The following SRGAP3 variants were observed in gnomAD, a reference collection of about 807,000 sequenced individuals.
SRGAP3 encodes SLIT-ROBO Rho GTPase activating protein 3, also known as SLIT-ROBO Rho GTPase-activating protein 3.
In SRGAP3, 39 loss-of-function variants were observed where a neutral mutation model predicts 121.1. The observed-to-expected ratio is 0.32, with a 90% CI of 0.25 to 0.42. The LOEUF is 0.42. Ranked by LOEUF, SRGAP3 falls within the 10% of genes least tolerant of loss-of-function variation. The probability of loss-of-function intolerance (pLI) is 1.00; values close to 1 mark genes in which losing one functional copy is unlikely to be tolerated. For missense variants in SRGAP3, 1,213 were observed against 1,470.6 expected (o/e 0.82, Z 2.86); for synonymous variants, 601 against 570.0 (o/e 1.05, Z -0.77).
intron 1 of SRGAP3, among the ~76,000 whole-genome samples, chr3:9,362,286 C>T (rs1012559914): frequency 7.2e-5 from 10 of 138,164 alleles, no homozygotes; most frequent in African/African-American, 2.7e-4. Flanking sequence ...GCTTCATCTT[C>T]CCAAGTAGCT....
intron 1 of SRGAP3, among the ~76,000 whole-genome samples, chr3:9,213,612 C>T (rs1303879252): frequency 6.6e-6 from 1 of 152,242 alleles, no homozygotes; most frequent in Non-Finnish European, 1.5e-5. Context: ...CTGTTCTCCA[C>T]ACTCTAGGAG....
At chr3:9,015,998 A>T (rs909411388) in intron 14 of SRGAP3, 1 of 500,568 alleles carries the variant, frequency 2.0e-6, no homozygotes, top group Non-Finnish European at 3.6e-6. Context: ...GCCACATTTG[A>T]TTTCTCGCTC....
At chr3:9,291,544 C>G (rs1240692481) in intron 3 of SRGAP3, among the ~76,000 whole-genome samples, 2 of 151,776 alleles carry the variant, frequency 1.3e-5, no homozygotes, top group African/African-American at 2.4e-5. Flanking sequence ...GGTCTATTCT[C>G]CCAAAAAACA....
intron 3 of SRGAP3, among the ~76,000 whole-genome samples, chr3:9,277,747 C>T (rs1254480908): frequency 6.6e-6 from 1 of 152,046 alleles, no homozygotes; most frequent in East Asian, 1.9e-4. Flanking sequence ...CGCCACTACA[C>T]TGCAGCCTGG....
chr3:9,185,834 A>C (rs1382730312), intron 1 of SRGAP3, among the ~76,000 whole-genome samples: 1 of 152,032 alleles, frequency 6.6e-6, no homozygotes, highest in Non-Finnish European at 1.5e-5. Context: ...ACTGCACCTG[A>C]TTGAGATGTC....
intron 3 of SRGAP3, among the ~76,000 whole-genome samples, chr3:9,261,968 G>A (rs1028579063): frequency 5.9e-5 from 9 of 151,696 alleles, no homozygotes; most frequent in East Asian, 1.9e-4. Context: ...GAGAAAGGTC[G>A]GGTTACCTAC....
Position 9,249,636 on chromosome 3 carries a change from A to G in SRGAP3, c.-685T>C. 4.2e-6 allele frequency: 1 copy of G among 235,508 alleles called. No individual in the cohort carries two copies. Among genetic ancestry groups the G allele is most frequent in the Non-Finnish European group, 8.4e-6 (1 of 119,172 alleles). The allele number at this position is 235,508 out of a possible 1,614,324, so 14.6% of individuals were successfully genotyped here. A position where few individuals can be genotyped will look rare whatever the true frequency, so the allele number is the denominator to read the frequency against. On this transcript the variant is annotated 5_prime_UTR_variant, in exon 1 of 22. Transcript: ENST00000383836. ...GCAACGCTTAAGCTCCGGTGAACAC[A>G]AGGCTGGACTGCTCGCCCTGCAGGG...
intron 1 of SRGAP3, among the ~76,000 whole-genome samples, chr3:9,196,894 T>C (rs1486211626): frequency 6.6e-6 from 1 of 152,192 alleles, no homozygotes; most frequent in East Asian, 1.9e-4. Flanking sequence ...AAAACCCAGG[T>C]CTTCTAATTC....
chr3:9,308,220 T>C (rs1955189371), intron 3 of SRGAP3, among the ~76,000 whole-genome samples: 2 of 152,228 alleles, frequency 1.3e-5, no homozygotes, highest in Non-Finnish European at 2.9e-5. Context: ...GAGGGACAAC[T>C]GAAGCATGTT....
chr3:9,149,431 T>C lies in SRGAP3; in HGVS notation c.68-24514A>G, dbSNP rs112534122. ...CCCACTTCTTCAGTCTCTCCTTGTA[T>C]CCATAATCGTTGCCATGTGTCTACA... On this transcript the variant is annotated intron_variant, in intron 1 of 21. Coordinates refer to ENST00000383836, the MANE Select transcript of SRGAP3 (RefSeq NM_014850.4). Among the ~76,000 whole-genome samples the C allele has an allele frequency of 4.6e-3, 702 of 152,258 alleles. 6 individuals carry two copies. The highest frequency in any genetic ancestry group is 0.016 in the African/African-American group (672 of 41,540).
At chr3:9,150,173 C>T (rs1950169153) in intron 1 of SRGAP3, among the ~76,000 whole-genome samples, 1 of 151,652 alleles carries the variant, frequency 6.6e-6, no homozygotes, top group African/African-American at 2.4e-5. Flanking sequence ...AGAGGGGGTC[C>T]CGAAAGTAAT....
chr3:9,057,936 G>A (rs1012261177), intron 7 of SRGAP3, among the ~76,000 whole-genome samples: 3 of 152,198 alleles, frequency 2.0e-5, no homozygotes, highest in Admixed American at 6.5e-5. Context: ...CAGGCTTCCC[G>A]TGGACCTCAC....
Position 8,983,593 on chromosome 3 carries a change from A to G in SRGAP3, c.*1926T>C, listed in dbSNP as rs908171991. 10 of 231,198 alleles carry G rather than the reference A, an allele frequency of 4.3e-5. No individual in the cohort carries two copies. The highest frequency in any genetic ancestry group is 2.0e-4 in the African/African-American group (9 of 45,196). The allele number at this position is 231,198 out of a possible 1,614,324, so 14.3% of individuals were successfully genotyped here. A position where few individuals can be genotyped will look rare whatever the true frequency, so the allele number is the denominator to read the frequency against. On this transcript the variant is annotated 3_prime_UTR_variant, in exon 22 of 22. Coordinates refer to ENST00000383836, the MANE Select transcript of SRGAP3 (RefSeq NM_014850.4). Reference sequence around the variant, plus strand: ...GTTAATGATGGAATCCAGGGCTCTTATTAGGATGGCAGGAAAATTCCACTG... The same window carrying G: ...GTTAATGATGGAATCCAGGGCTCTTGTTAGGATGGCAGGAAAATTCCACTG...
At chr3:9,254,140 TC>T (rs1954074819), upstream of SRGAP3, among the ~76,000 whole-genome samples, 1 of 152,086 alleles carries the variant, frequency 6.6e-6, no homozygotes, top group South Asian at 2.1e-4. Context: ...AAACAAATAC[TC>T]ATACATGAAT....
At chr3:8,990,889 C>G (rs766878988) in intron 20 of SRGAP3, 50 bp from the exon 21 acceptor site, 10 of 1,444,414 alleles carry the variant, frequency 6.9e-6, no homozygotes, top group Non-Finnish European at 9.1e-6. Context: ...TCAAGCCTGG[C>G]AAGTCTCAGA....
At chr3:9,142,534 T>G (rs1949889863) in intron 1 of SRGAP3, among the ~76,000 whole-genome samples, 1 of 152,248 alleles carries the variant, frequency 6.6e-6, no homozygotes, top group South Asian at 2.1e-4. Context: ...CAAGCTCATA[T>G]TTCATGTCTT....
rs146263379 is a variant in SRGAP3, at chr3:9,234,372, A to G, written c.67+14513T>C. Among the ~76,000 whole-genome samples, 548 of 152,294 alleles carry G rather than the reference A, an allele frequency of 3.6e-3. 3 individuals are homozygous for G. Among genetic ancestry groups the G allele is most frequent in the African/African-American group, 0.013 (522 of 41,552 alleles). ...CTGCTTGGAAGTGTCCTACCGAGAC[A>G]CTGAGTTGGAGAACAGCCATGTCGC... On this transcript the variant is annotated intron_variant, in intron 1 of 21. Transcript: ENST00000383836.
At chr3:9,241,792 A>G (rs758679047) in intron 1 of SRGAP3, among the ~76,000 whole-genome samples, 1 of 152,102 alleles carries the variant, frequency 6.6e-6, no homozygotes, top group Admixed American at 6.5e-5. Flanking sequence ...AGAGGAAGAA[A>G]GCCAACCAGG....
chr3:9,353,851 G>A (rs1194375196), intron 1 of SRGAP3, among the ~76,000 whole-genome samples: 1 of 152,152 alleles, frequency 6.6e-6, no homozygotes, highest in Admixed American at 6.5e-5. Flanking sequence ...AGGTGTAGGG[G>A]CATCCTTCTT....
Sources: gnomAD v4.1 joint callset for allele counts (sites outside exome capture counted in the v4.1 genomes callset) on GRCh38, gnomAD v4.1.1 for gene constraint, MANE v1.5 for transcripts, NCBI Gene and HGNC (gene_info 2026-07-23, HGNC 2026-07-21) for gene names.